The following ZDHHC11B variants were observed in gnomAD, a reference collection of about 807,000 sequenced individuals.
The protein encoded by ZDHHC11B is zDHHC palmitoyltransferase 11B (putative), also known as probable palmitoyltransferase ZDHHC11B.
Under a neutral mutation model 42.3 loss-of-function variants are expected in ZDHHC11B, and 17 were observed. The observed-to-expected ratio is 0.40, with a 90% CI of 0.27 to 0.60. ZDHHC11B has a LOEUF of 0.60. Ranked by LOEUF, ZDHHC11B falls within the 20% of genes least tolerant of loss-of-function variation. The pLI, the probability that ZDHHC11B is intolerant of heterozygous loss-of-function variation, is 0.41. For missense variants in ZDHHC11B, 262 were observed against 463.2 expected, an observed-to-expected ratio of 0.57 and a Z score of 3.99; for synonymous variants, 123 against 193.5, an observed-to-expected ratio of 0.64 and a Z score of 3.02.
rs187596276 is a variant in ZDHHC11B at position 737,349 on chromosome 5, G to T, written c.936-3510C>A. Among the ~76,000 whole-genome samples the T allele has an allele frequency of 7.4e-5, 11 of 149,246 alleles. 2 individuals are homozygous for T. The East Asian group carries it at 2.3e-3, about 31-fold the overall frequency. On this transcript the variant is annotated intron_variant, in intron 10 of 13. Transcript: ENST00000508859. ...AATTGCCAACTAAAATATCCAGGAT[G>T]TATTCACAGCTGAATTCTACCAGGC...
In ZDHHC11B at chr5:733,791, G is replaced by C; in HGVS notation, c.984C>G (p.Phe328Leu). Reference sequence around the variant, plus strand: ...CCCCGTCCTGGTTTACTGAAGTGCAGAAGTGACATGGGCATTTGTAAATCA... The same window carrying C: ...CCCCGTCCTGGTTTACTGAAGTGCACAAGTGACATGGGCATTTGTAAATCA... ...SLLIYKCPCH[F>L]CTSVNQDGDS... The change falls in exon 11 of 14, where the codon TTC (phenylalanine) becomes TTG (leucine). Residue 328 changes from phenylalanine to leucine, a missense_variant. By Grantham distance (22) the Phe-to-Leu change is conservative (BLOSUM62 0). Around this residue, in one of 5 missense-constraint regions of ZDHHC11B, gnomAD observed 75 missense variants for 70.1 expected, o/e 1.07. Coordinates refer to ENST00000508859, the MANE Select transcript of ZDHHC11B (RefSeq NM_001351303.2). The C allele has an allele frequency of 1.2e-6, 2 of 1,610,458 alleles. No individual in the cohort carries two copies. The highest frequency in any genetic ancestry group is 1.7e-6 in the Non-Finnish European group (2 of 1,179,352).
chr5:733,819 A>C lies in ZDHHC11B; in HGVS notation c.956T>G (p.Leu319Arg). ...SAQGVKAKSSLLIYKCPCHFC... is the reference protein window; with the variant it reads ...SAQGVKAKSSRLIYKCPCHFC... ...GTGACATGGGCATTTGTAAATCAGC[A>C]GGGAGCTCTTGGCCTTGACTCTGGT... The change falls in exon 11 of 14, where the codon CTG (leucine) becomes CGG (arginine). Residue 319 changes from leucine (L) to arginine (R), a missense_variant. Leu to Arg is a moderately radical substitution (Grantham distance 102). Around this residue, in one of 5 missense-constraint regions of ZDHHC11B, gnomAD observed 75 missense variants for 70.1 expected, o/e 1.07. Transcript: ENST00000508859. 1.2e-6 allele frequency: 2 copies of C among 1,608,590 alleles called. No individual in the cohort carries two copies. The highest frequency in any genetic ancestry group is 1.7e-6 in the Non-Finnish European group (2 of 1,179,028).
intron 1 of ZDHHC11B, among the ~76,000 whole-genome samples, chr5:773,259 C>T (rs1561200172): frequency 6.6e-6 from 1 of 151,928 alleles, no homozygotes; most frequent in African/African-American, 2.4e-5. Context: ...TGGGCAGAGG[C>T]CAGGTGTCCT....
rs185793159 is a variant in ZDHHC11B at position 727,385 on chromosome 5, A to C, written c.1058+3049T>G. Among the ~76,000 whole-genome samples the C allele has an allele frequency of 1.5e-3, 216 of 147,922 alleles. 20 individuals are homozygous for C. Among genetic ancestry groups the C allele is most frequent in the African/African-American group, 5.2e-3 (210 of 40,310 alleles). On this transcript the variant is annotated intron_variant, in intron 12 of 13. Coordinates refer to ENST00000508859, the MANE Select transcript of ZDHHC11B (RefSeq NM_001351303.2). ...AACGCTATCGGCCACTCTCAAAATG[A>C]GGTGTATATTTAATATAACTTTGCT...
intron 7 of ZDHHC11B, 119 bp from the exon 8 acceptor site, chr5:748,678 G>C: frequency 8.9e-7 from 1 of 1,127,194 alleles, no homozygotes; most frequent in Non-Finnish European, 1.2e-6. Flanking sequence ...CAGCACGAGG[G>C]ATGCCTCCCT....
chr5:716,923 T>C, intron 12 of ZDHHC11B, 58 bp from the exon 13 acceptor site: 1 of 1,610,446 alleles, frequency 6.2e-7, no homozygotes, highest in Non-Finnish European at 8.5e-7. Context: ...ATACTTGTTA[T>C]ACTGCCAAAG....
At chr5:764,763 G>A (rs1177139733) in intron 4 of ZDHHC11B, among the ~76,000 whole-genome samples, 3 of 151,954 alleles carry the variant, frequency 2.0e-5, no homozygotes, top group Non-Finnish European at 4.4e-5. Flanking sequence ...CACGGGACTG[G>A]CAGGCAGCTC....
At chr5:720,774 G>C (rs546009258) in intron 12 of ZDHHC11B, among the ~76,000 whole-genome samples, 1 of 151,558 alleles carries the variant, frequency 6.6e-6, no homozygotes, top group Non-Finnish European at 1.5e-5. Context: ...AATATAAAGG[G>C]TGAGGGATGG....
intron 1 of ZDHHC11B, among the ~76,000 whole-genome samples, chr5:783,771 C>CAAT (rs1737039006): frequency 2.4e-5 from 1 of 42,294 alleles, no homozygotes; most frequent in Non-Finnish European, 4.9e-5. Context: ...CCCATCAAAA[C>CAAT]AGCAGCCCCC....
Position 743,336 on chromosome 5 carries a change from T to C in ZDHHC11B, c.901-1708A>G. ...TATAGTAACATTTAAAGTCTGGTTG[T>C]GTAAGTTCTCCAATTTTATTTTTTC... On this transcript the variant is annotated intron_variant, in intron 9 of 13. Transcript: ENST00000508859. 1.3e-5 allele frequency among the ~76,000 whole-genome samples: 2 copies of C among 149,218 alleles called. 1 individual carries two copies. The highest frequency in any genetic ancestry group is 3.0e-5 in the Non-Finnish European group (2 of 67,460).
chr5:726,264 G>A (rs1169284136), intron 12 of ZDHHC11B, among the ~76,000 whole-genome samples: 5 of 151,724 alleles, frequency 3.3e-5, no homozygotes, highest in East Asian at 1.9e-4. Context: ...GTCCCTGATC[G>A]CTAGAAACAG....
intron 10 of ZDHHC11B, among the ~76,000 whole-genome samples, chr5:739,913 G>A (rs1208081443): frequency 6.6e-6 from 1 of 151,010 alleles, no homozygotes; most frequent in Non-Finnish European, 1.5e-5. Flanking sequence ...TTTGTGATCT[G>A]TATATATGTA....
rs1441388774 is a variant in ZDHHC11B at position 749,964 on chromosome 5, G to C, written c.628+1169C>G. On this transcript the variant is annotated intron_variant, in intron 7 of 13. Transcript: ENST00000508859. ...GCCCTGGAGGCATCAGTCACGCTTC[G>C]AAGTGGAAGGAGGAGCTTTAGGGAC... is the stretch of plus-strand genomic sequence containing the variant. 7.5e-5 allele frequency among the ~76,000 whole-genome samples: 9 copies of C among 120,216 alleles called. No homozygotes were observed. The East Asian group carries it at 9.4e-4, about 13-fold the overall frequency. The allele number at this position is 120,216 out of a possible 152,430, so 78.9% of individuals were successfully genotyped here.
At position 751,461 on chromosome 5, in the gene ZDHHC11B, TCTGAG is replaced by T. The variant is rs1305827595; in HGVS notation, c.504-209_504-205del. ...GGCAGGGGCAGGGACACGCAGGGCA[TCTGAG>T]GCAGGGGCGGGGGCATGCAGGGCAG... On this transcript the variant is annotated intron_variant, in intron 6 of 13. Coordinates refer to ENST00000508859, the MANE Select transcript of ZDHHC11B (RefSeq NM_001351303.2). Among the ~76,000 whole-genome samples, 21 of 20,006 alleles carry T rather than the reference TCTGAG, an allele frequency of 1.0e-3. No individual in the cohort carries two copies. In the East Asian group the frequency reaches 0.03, roughly 28 times the overall value. The allele number at this position is 20,006 out of a possible 152,430, so 13.1% of individuals were successfully genotyped here.
At position 766,731 on chromosome 5, in the gene ZDHHC11B, G is replaced by A. The variant is rs1198306441; in HGVS notation, c.189C>T (p.Leu63=). 7 of 1,611,766 alleles carry A rather than the reference G, an allele frequency of 4.3e-6. No homozygotes were observed. Among genetic ancestry groups the A allele is most frequent in the South Asian group, 1.1e-5 (1 of 90,800 alleles). The part of the protein sequence containing the change: ...SLATFRIFIP[L]LPHSWKYIAY... Reference sequence around the variant, plus strand: ...CGATGTATTTCCACGAGTGAGGCAGGAGGGGAATGAAGATCCTGAAGGTGG... The same window carrying A: ...CGATGTATTTCCACGAGTGAGGCAGAAGGGGAATGAAGATCCTGAAGGTGG... Residue 63 remains leucine, a synonymous_variant, in exon 4 of 14, where the codon CTC becomes CTT. Transcript: ENST00000508859.
chr5:751,498 GGTGC>G (rs1745725873), intron 6 of ZDHHC11B, among the ~76,000 whole-genome samples: 1 of 36,824 alleles, frequency 2.7e-5, no homozygotes, highest in African/African-American at 7.4e-5. Context: ...GCAGGTGGGG[GGTGC>G]AGAGGCAGGG....
At chr5:736,173 G>C (rs1743490358) in intron 10 of ZDHHC11B, among the ~76,000 whole-genome samples, 2 of 149,496 alleles carry the variant, frequency 1.3e-5, no homozygotes, top group Non-Finnish European at 3.0e-5. Context: ...GAACTATTCT[G>C]ATACCAGACT....
chr5:753,389 C>T (rs1746050298), intron 6 of ZDHHC11B, among the ~76,000 whole-genome samples: 1 of 130,878 alleles, frequency 7.6e-6, no homozygotes, highest in Admixed American at 8.7e-5. Flanking sequence ...TGACCCCGGC[C>T]CTGCTCTCCT....
chr5:730,413 C>T (rs1346803272), intron 12 of ZDHHC11B, 21 bp downstream of exon 12: 1 of 1,576,010 alleles, frequency 6.3e-7, no homozygotes, highest in Non-Finnish European at 8.6e-7. Flanking sequence ...TAAAACGTTC[C>T]CATTAAACTT....
Sources: allele counts gnomAD v4.1 joint callset (sites outside exome capture counted in the v4.1 genomes callset), GRCh38; gene constraint gnomAD v4.1.1; regional missense constraint gnomAD v4.1.1; transcripts MANE v1.5; gene names NCBI Gene and HGNC (gene_info 2026-07-23, HGNC 2026-07-21).